MCF2L: variants seen among roughly 807,000 people sequenced by gnomAD.
MCF2L encodes MCF.2 cell line derived transforming sequence like, also known as guanine nucleotide exchange factor DBS.
MCF2L carries 97 observed loss-of-function variants against 153.4 expected under a neutral mutation model. The ratio of observed to expected loss-of-function variants is 0.63; its 90% confidence interval spans 0.54 to 0.75. The LOEUF is 0.75. MCF2L is among the 30% of genes least tolerant of loss of function. The probability of loss-of-function intolerance (pLI) is 0.00; values close to 1 mark genes in which losing one functional copy is unlikely to be tolerated. For missense variants in MCF2L, 1,347 were observed against 1,495.2 expected, an observed-to-expected ratio of 0.90 and a Z score of 1.64; for synonymous variants, 659 against 632.2, an observed-to-expected ratio of 1.04 and a Z score of -0.64.
intron 1 of MCF2L, among the ~76,000 whole-genome samples, chr13:113,006,785 G>A (rs551455444): frequency 1.3e-5 from 2 of 152,214 alleles, no homozygotes; most frequent in African/African-American, 2.4e-5. Flanking sequence ...ACTTGAGAAC[G>A]CCCCGAGCAT....
intron 2 of MCF2L, chr13:112,909,539 C>G: frequency 2.0e-6 from 1 of 493,810 alleles, no homozygotes; most frequent in Non-Finnish European, 3.6e-6. Flanking sequence ...AACTTGGATG[C>G]AGGTAGTGCT....
At chr13:112,964,554 C>G (rs922290812), upstream of MCF2L, among the ~76,000 whole-genome samples, 1 of 152,242 alleles carries the variant, frequency 6.6e-6, no homozygotes, top group Non-Finnish European at 1.5e-5. Context: ...TGTCCTGTAT[C>G]TCTACTTGTA....
chr13:113,029,956 C>T (rs1037848679), intron 3 of MCF2L, among the ~76,000 whole-genome samples: 2 of 152,236 alleles, frequency 1.3e-5, no homozygotes, highest in African/African-American at 2.4e-5. Flanking sequence ...CTAAACCAAG[C>T]ATCACTTTTA....
intron 1 of MCF2L, among the ~76,000 whole-genome samples, chr13:112,976,882 A>G (rs1333030109): frequency 2.0e-5 from 3 of 152,214 alleles, no homozygotes; most frequent in Admixed American, 2.0e-4. Context: ...GGGGTCGCCC[A>G]GTCGGACAGT....
chr13:113,029,598 G>A (rs1042187796), intron 3 of MCF2L, among the ~76,000 whole-genome samples: 12 of 152,218 alleles, frequency 7.9e-5, no homozygotes, highest in Non-Finnish European at 1.5e-5. Flanking sequence ...ACTGCGCCCT[G>A]AGGGTGCTGT....
intron 1 of MCF2L, among the ~76,000 whole-genome samples, chr13:112,990,577 T>G (rs2082859591): frequency 6.6e-6 from 1 of 152,196 alleles, no homozygotes; most frequent in African/African-American, 2.4e-5. Flanking sequence ...TTGCTTTCCA[T>G]GATTGCCAAG....
chr13:112,895,364 T>C (rs1389093773), intron 1 of MCF2L, among the ~76,000 whole-genome samples: 2 of 152,108 alleles, frequency 1.3e-5, no homozygotes, highest in African/African-American at 2.4e-5. Context: ...GGCCCCAGGA[T>C]GTGTGGCCAC....
intron 2 of MCF2L, among the ~76,000 whole-genome samples, chr13:112,911,702 G>T (rs1365892689): frequency 6.6e-6 from 1 of 152,234 alleles, no homozygotes; most frequent in Admixed American, 6.5e-5. Context: ...GCGGGCCTGC[G>T]CCAGCCTTTC....
At chr13:112,989,069 G>A (rs112956296) in intron 1 of MCF2L, among the ~76,000 whole-genome samples, 10 of 99,252 alleles carry the variant, frequency 1.0e-4, no homozygotes, top group African/African-American at 2.7e-4. Flanking sequence ...GAGCTACCAC[G>A]CCCGAGTCCT....
Position 113,074,632 on chromosome 13 carries a change from C to T in MCF2L, c.1116+69C>T, listed in dbSNP as rs981632698. ...CATCATCAAGTGCTGCTCAGGAAGG[C>T]GCAGGAATGGGCCTCCCGCCTACGG... On this transcript the variant is annotated intron_variant, in intron 10 of 29. Transcript: ENST00000535094. This position sits in a 1 kb window ranked among gnomAD's most constrained non-coding sequence, Gnocchi z 4.2. 43 of 1,589,252 alleles carry T rather than the reference C, an allele frequency of 2.7e-5. No homozygotes were observed. Among genetic ancestry groups the T allele is most frequent in the African/African-American group, 6.7e-5 (5 of 74,506 alleles).
At chr13:113,094,269 T>G (rs1281563966) in intron 26 of MCF2L, 1 of 280,708 alleles carries the variant, frequency 3.6e-6, no homozygotes, top group Non-Finnish European at 6.6e-6. Context: ...GGGATCGAGG[T>G]CTCCCACAGG....
chr13:113,031,130 GAGAC>G lies in MCF2L; in HGVS notation c.278+6380_278+6383del, dbSNP rs539765941. The stretch of plus-strand genomic sequence containing the variant: ...AGAGACAGAGACAGAGAGTGACAGA[GAGAC>G]AGACAGAGACAGAGAGAGACAGAGA... On this transcript the variant is annotated intron_variant, in intron 3 of 29. Transcript: ENST00000535094. The surrounding 1 kb of genome is among the most constrained non-coding windows in gnomAD (Gnocchi z 5.5). 2.8e-4 allele frequency among the ~76,000 whole-genome samples: 43 copies of G among 151,476 alleles called. No homozygotes were observed. The highest frequency in any genetic ancestry group is 2.5e-3 in the South Asian group (12 of 4,726).
At chr13:113,056,807 GTGTT>G (rs1367947325) in intron 4 of MCF2L, among the ~76,000 whole-genome samples, 3 of 143,364 alleles carry the variant, frequency 2.1e-5, no homozygotes, top group Non-Finnish European at 4.5e-5. Context: ...TGGGTGCTGT[GTGTT>G]TGGGTGCTGA....
chr13:113,082,001 C>T (rs1398382875), intron 16 of MCF2L, among the ~76,000 whole-genome samples: 1 of 151,438 alleles, frequency 6.6e-6, no homozygotes, highest in Admixed American at 6.6e-5. Flanking sequence ...CGAGTGTGCA[C>T]AGGTGGTGAC....
At chr13:112,972,733 A>G (rs1370121951) in intron 1 of MCF2L, among the ~76,000 whole-genome samples, 1 of 7,106 alleles carries the variant, frequency 1.4e-4, no homozygotes, top group Non-Finnish European at 2.6e-4. Context: ...GGATGACTGG[A>G]TAGATGAATG....
intron 28 of MCF2L, 23 bp downstream of exon 28, chr13:113,096,506 G>A (rs761587635): frequency 1.4e-5 from 22 of 1,581,800 alleles, no homozygotes; most frequent in Non-Finnish European, 1.6e-5. Context: ...GCTCAGCCCC[G>A]GACTGCCCCG....
chr13:113,040,033 A>G (rs995356134), intron 3 of MCF2L, among the ~76,000 whole-genome samples: 1 of 152,252 alleles, frequency 6.6e-6, no homozygotes, highest in African/African-American at 2.4e-5. Flanking sequence ...ATTTCATCAT[A>G]TATGTATACC....
intron 2 of MCF2L, among the ~76,000 whole-genome samples, chr13:112,962,519 G>C (rs1225119756): frequency 1.3e-5 from 2 of 152,178 alleles, no homozygotes; most frequent in Admixed American, 1.3e-4. Flanking sequence ...CCACATCCCT[G>C]GTGCCCAGGC....
chr13:112,979,728 C>T (rs763480649), intron 1 of MCF2L: 8 of 1,612,184 alleles, frequency 5.0e-6, no homozygotes, highest in African/African-American at 1.3e-5. Context: ...GCCCAGGAGG[C>T]GCCGGGGAAC....
Sources: allele counts gnomAD v4.1 joint callset (sites outside exome capture counted in the v4.1 genomes callset), GRCh38; gene constraint gnomAD v4.1.1; non-coding constraint Gnocchi (gnomAD v3.1); transcripts MANE v1.5; gene names NCBI Gene and HGNC (gene_info 2026-07-23, HGNC 2026-07-21).